Variants in CHD3 observed in about 807,000 individuals in gnomAD.
CHD3 encodes ATP-dependent chromatin remodeler CHD3.
Under a neutral mutation model 248.9 loss-of-function variants are expected in CHD3, and 52 were observed. That is an observed-to-expected ratio of 0.21 (90% CI 0.17 to 0.26). The LOEUF (loss-of-function observed/expected upper bound fraction) is 0.26. Among genes scored for constraint, CHD3 ranks in the 10% least tolerant of loss-of-function variants. The pLI is 1.00. For missense variants in CHD3, 1,482 were observed against 2,605.8 expected, an observed-to-expected ratio of 0.57 and a Z score of 9.39; for synonymous variants, 985 against 985.2, an observed-to-expected ratio of 1.00 and a Z score of 0.00.
In CHD3 at chr17:7,909,080, C is replaced by T. The variant is rs1004355729; in HGVS notation, c.5395-63C>T. The T allele has an allele frequency of 9.1e-6, 14 of 1,544,066 alleles. No homozygotes were observed. Among genetic ancestry groups the T allele is most frequent in the South Asian group, 1.2e-5 (1 of 83,742 alleles). Reference sequence around the variant, plus strand: ...GGGTGGGTCTCTTGCTATGTCCGCCCCCCCAGCCCCTCACCCACTGCTGGC... The same window carrying T: ...GGGTGGGTCTCTTGCTATGTCCGCCTCCCCAGCCCCTCACCCACTGCTGGC... On this transcript the variant is annotated intron_variant, in intron 36 of 39. Coordinates refer to ENST00000330494, the MANE Select transcript of CHD3 (RefSeq NM_001005273.3). The surrounding 1 kb of genome is among the most constrained non-coding windows in gnomAD (Gnocchi z 8.1).
At position 7,893,338 on chromosome 17, in the gene CHD3, A is replaced by G; in HGVS notation, c.562A>G (p.Ile188Val). Residue 188 changes from isoleucine (I) to valine (V), a missense_variant, in exon 5 of 40, where the codon ATC becomes GTC. Transcript: ENST00000330494. The stretch of plus-strand genomic sequence containing the variant: ...GATCCCAATGTCTAAGATGATGACC[A>G]TCCTTGGGGCCAAATGGAGAGAGTT... ...PKIPMSKMMT[I>V]LGAKWREFSA... is the part of the protein sequence containing the mutation. 1 of 1,613,928 alleles carries G rather than the reference A, an allele frequency of 6.2e-7. No individual in the cohort carries two copies. Among genetic ancestry groups the G allele is most frequent in the Non-Finnish European group, 8.5e-7 (1 of 1,179,928 alleles).
rs192531054 is a variant in CHD3, at chr17:7,905,065, C to G, written c.4073-35C>G. 7 of 1,601,646 alleles carry G rather than the reference C, an allele frequency of 4.4e-6. No individual in the cohort carries two copies. Among genetic ancestry groups the G allele is most frequent in the Non-Finnish European group, 6.0e-6 (7 of 1,168,704 alleles). ...CTCAGCATGGGCATATCCCGAGAGC[C>G]CTCCCTGACCACTGGGCCCTTTCCA... On this transcript the variant is annotated intron_variant, in intron 25 of 39. Coordinates refer to ENST00000330494, the MANE Select transcript of CHD3 (RefSeq NM_001005273.3). This position sits in a 1 kb window ranked among gnomAD's most constrained non-coding sequence, Gnocchi z 5.8.
Position 7,904,668 on chromosome 17 carries a change from G to A in CHD3, c.4072+49G>A, listed in dbSNP as rs780482986. 6 of 1,537,456 alleles carry A rather than the reference G, an allele frequency of 3.9e-6. No homozygotes were observed. The East Asian group carries it at 1.4e-4, about 35-fold the overall frequency. ...CAGTAAAGGGGGGAAGTGATGATGA[G>A]TAGGGACTTGAAGGCTGGAGCTATT... is the stretch of plus-strand genomic sequence containing the variant. On this transcript the variant is annotated intron_variant, in intron 25 of 39. Coordinates refer to ENST00000330494, the MANE Select transcript of CHD3 (RefSeq NM_001005273.3). The surrounding 1 kb of genome is among the most constrained non-coding windows in gnomAD (Gnocchi z 4.4).
In CHD3 at chr17:7,903,621, T is replaced by G. The variant is rs1378711318; in HGVS notation, c.3727+118T>G. The G allele has an allele frequency of 1.1e-5, 11 of 1,039,742 alleles. No individual in the cohort carries two copies. The highest frequency in any genetic ancestry group is 2.6e-5 in the Admixed American group (1 of 38,238). The allele number at this position is 1,039,742 out of a possible 1,614,324, so 64.4% of individuals were successfully genotyped here. A position where few individuals can be genotyped will look rare whatever the true frequency, so the allele number is the denominator to read the frequency against. On this transcript the variant is annotated intron_variant, in intron 23 of 39. Coordinates refer to ENST00000330494, the MANE Select transcript of CHD3 (RefSeq NM_001005273.3). This position sits in a 1 kb window ranked among gnomAD's most constrained non-coding sequence, Gnocchi z 6.8. Reference sequence around the variant, plus strand: ...TGCAGCCTTTGAAGGAAGGAGAGCCTTCTTTTAGTAGCCCTTGGAGGAAGG... The same window carrying G: ...TGCAGCCTTTGAAGGAAGGAGAGCCGTCTTTTAGTAGCCCTTGGAGGAAGG...
intron 20 of CHD3, 29 bp downstream of exon 20, chr17:7,901,404 T>C: frequency 6.5e-7 from 1 of 1,545,320 alleles, no homozygotes; most frequent in Admixed American, 1.9e-5. Context: ...TGTCTTTACA[T>C]CTGCTTCCTC....
chr17:7,911,498 G>C lies in CHD3; in HGVS notation c.5916G>C (p.Lys1972Asn). 1 of 1,614,198 alleles carries C rather than the reference G, an allele frequency of 6.2e-7. No homozygotes were observed. Among genetic ancestry groups the C allele is most frequent in the Non-Finnish European group, 8.5e-7 (1 of 1,180,026 alleles). Reference sequence around the variant, plus strand: ...ACGGCCCTCCAGTGCTTGTGAAGAAGGAGAAGGAAATGGTGGGGGCATTGG... The same window carrying C: ...ACGGCCCTCCAGTGCTTGTGAAGAACGAGAAGGAAATGGTGGGGGCATTGG... ...ATNGPPVLVKKEKEMVGALVS... is the reference protein window; with the variant it reads ...ATNGPPVLVKNEKEMVGALVS... Residue 1972 changes from lysine to asparagine, a missense_variant, in exon 40 of 40, where the codon AAG becomes AAC. By Grantham distance (94) the Lys-to-Asn change is moderately conservative. Around this residue, in one of 20 missense-constraint regions of CHD3, gnomAD observed 117 missense variants for 137.2 expected, o/e 0.85. Coordinates refer to ENST00000330494, the MANE Select transcript of CHD3 (RefSeq NM_001005273.3). This position sits in a 1 kb window ranked among gnomAD's most constrained non-coding sequence, Gnocchi z 5.4.
At position 7,908,073 on chromosome 17, in the gene CHD3, T is replaced by A; in HGVS notation, c.5152+54T>A. 6 of 1,537,654 alleles carry A rather than the reference T, an allele frequency of 3.9e-6. No individual in the cohort carries two copies. Among genetic ancestry groups the A allele is most frequent in the Non-Finnish European group, 5.3e-6 (6 of 1,140,980 alleles). On this transcript the variant is annotated intron_variant, in intron 34 of 39. Transcript: ENST00000330494. This position sits in a 1 kb window ranked among gnomAD's most constrained non-coding sequence, Gnocchi z 5.8. Reference sequence around the variant, plus strand: ...CCTCAAGGGGATCTGCTCATCCTCATGGGGTTTCTCGTTTTGCCTGAGGCT... The same window carrying A: ...CCTCAAGGGGATCTGCTCATCCTCAAGGGGTTTCTCGTTTTGCCTGAGGCT...
upstream of CHD3, among the ~76,000 whole-genome samples, chr17:7,885,624 A>G (rs183504471): frequency 6.6e-5 from 10 of 151,492 alleles, no homozygotes; most frequent in East Asian, 2.0e-3. Context: ...GGACCGAGGG[A>G]GAGTGGGGTT....
rs1271753018 is a variant in CHD3 at position 7,897,762 on chromosome 17, T to C, written c.1920-209T>C. 6.6e-6 allele frequency among the ~76,000 whole-genome samples: 1 copy of C among 152,208 alleles called. No homozygotes were observed. The highest frequency in any genetic ancestry group is 2.4e-5 in the African/African-American group (1 of 41,442). On this transcript the variant is annotated intron_variant, in intron 11 of 39. Transcript: ENST00000330494. This position sits in a 1 kb window ranked among gnomAD's most constrained non-coding sequence, Gnocchi z 4.8. ...TGATAAGGAGGGATCTCCAGGAATG[T>C]TTTGTGATAGCTGATTTTTAGGATA...
At chr17:7,898,297 G>A (rs1969923067) in intron 12 of CHD3, among the ~76,000 whole-genome samples, 195 bp downstream of exon 12, 1 of 152,230 alleles carries the variant, frequency 6.6e-6, no homozygotes, top group African/African-American at 2.4e-5. Context: ...TGGCTGAGTA[G>A]TGGAGAAGAG....
chr17:7,911,767 C>T lies in CHD3; in HGVS notation c.*182C>T. The T allele has an allele frequency of 6.6e-7, 1 of 1,508,158 alleles. No individual in the cohort carries two copies. The highest frequency in any genetic ancestry group is 8.9e-7 in the Non-Finnish European group (1 of 1,120,090). The allele number at this position is 1,508,158 out of a possible 1,614,324, so 93.4% of individuals were successfully genotyped here. ...GAAGGGCCCTTTGTCTTTCTCCACT[C>T]CCACACACCTTTCCCACCAAGCCTT... On this transcript the variant is annotated 3_prime_UTR_variant, in exon 40 of 40. Coordinates refer to ENST00000330494, the MANE Select transcript of CHD3 (RefSeq NM_001005273.3). This position sits in a 1 kb window ranked among gnomAD's most constrained non-coding sequence, Gnocchi z 5.4.
In CHD3 at chr17:7,898,602, CCT is replaced by C. The variant is rs762335133; in HGVS notation, c.2151+11_2151+12del. ...CAGTTCTCCCACTAATGATGTGAGTCCTCTCAGTTGTCATTTCTTGTTTCTGG... is the reference window on the plus strand; with the variant it reads ...CAGTTCTCCCACTAATGATGTGAGTCCTCAGTTGTCATTTCTTGTTTCTGG... On this transcript the variant is annotated splice_region_variant and intron_variant, in intron 13 of 39. Transcript: ENST00000330494. 38 of 1,600,640 alleles carry C rather than the reference CCT, an allele frequency of 2.4e-5. No individual in the cohort carries two copies. The highest frequency in any genetic ancestry group is 3.2e-5 in the Non-Finnish European group (37 of 1,169,422).
rs1270554534 is a variant in CHD3, at chr17:7,905,932, C to T, written c.4301C>T (p.Ala1434Val). ...CGCTGGGGGATGCCACCACAGGATG[C>T]CTTCACCACACAGTGGCTGGTGCGG... ...VMRWGMPPQDAFTTQWLVRDL... is the reference protein window; with the variant it reads ...VMRWGMPPQDVFTTQWLVRDL... Residue 1434 changes from alanine to valine, a missense_variant, in exon 28 of 40, where the codon GCC becomes GTC. Physicochemically the swap from Ala to Val is moderately conservative, Grantham distance 64. This residue lies in a region of CHD3 where 156 missense variants were observed against 420.3 expected (regional missense o/e 0.37). Coordinates refer to ENST00000330494, the MANE Select transcript of CHD3 (RefSeq NM_001005273.3). The surrounding 1 kb of genome is among the most constrained non-coding windows in gnomAD (Gnocchi z 5.8). 6.2e-7 allele frequency: 1 copy of T among 1,614,034 alleles called. No individual in the cohort carries two copies. Among genetic ancestry groups the T allele is most frequent in the Admixed American group, 1.7e-5 (1 of 60,002 alleles).
At chr17:7,901,418 C>T (rs1429158040) in intron 20 of CHD3, 43 bp downstream of exon 20, 2 of 1,508,666 alleles carry the variant, frequency 1.3e-6, no homozygotes, top group East Asian at 4.7e-5. Context: ...CTTCCTCTTC[C>T]CTCTCCTCAT....
chr17:7,898,554 G>A lies in CHD3; in HGVS notation c.2110G>A (p.Glu704Lys), dbSNP rs1402655987. 1 of 1,613,700 alleles carries A rather than the reference G, an allele frequency of 6.2e-7. No homozygotes were observed. Among genetic ancestry groups the A allele is most frequent in the African/African-American group, 1.3e-5 (1 of 74,888 alleles). The change falls in exon 13 of 40, where the codon GAG (glutamate) becomes AAG (lysine). Residue 704 changes from glutamate (E) to lysine (K), a missense_variant. Coordinates refer to ENST00000330494, the MANE Select transcript of CHD3 (RefSeq NM_001005273.3). ...CCGCAAGTATAAGAAGAAGAAGAAGGAGCTACAGGGTGATGGGCCTCCCAG... is the reference window on the plus strand; with the variant it reads ...CCGCAAGTATAAGAAGAAGAAGAAGAAGCTACAGGGTGATGGGCCTCCCAG... ...QPRKYKKKKK[E>K]LQGDGPPSSP...
At chr17:7,892,730 C>T (rs559649610) in intron 4 of CHD3, among the ~76,000 whole-genome samples, 90 of 152,134 alleles carry the variant, frequency 5.9e-4, no homozygotes, top group Non-Finnish European at 8.5e-4. Context: ...CTCTTGACCT[C>T]GTGATCCTCC....
intron 20 of CHD3, 52 bp from the exon 21 acceptor site, chr17:7,902,558 A>C: frequency 8.2e-7 from 1 of 1,214,238 alleles, no homozygotes; most frequent in East Asian, 2.3e-5. Flanking sequence ...TAGAATAAGC[A>C]AGCATCCCAC....
At position 7,904,282 on chromosome 17, in the gene CHD3, A is replaced by G; in HGVS notation, c.3895-160A>G. 2 of 671,930 alleles carry G rather than the reference A, an allele frequency of 3.0e-6. No homozygotes were observed. The highest frequency in any genetic ancestry group is 5.1e-6 in the Non-Finnish European group (2 of 390,066). The allele number at this position is 671,930 out of a possible 1,614,324, so 41.6% of individuals were successfully genotyped here. ...GAGCACATTGCAGGTAAGAGATGGC[A>G]TGGAACATGCGCAATGTCCAGAAAA... On this transcript the variant is annotated intron_variant, in intron 24 of 39. Coordinates refer to ENST00000330494, the MANE Select transcript of CHD3 (RefSeq NM_001005273.3). The surrounding 1 kb of genome is among the most constrained non-coding windows in gnomAD (Gnocchi z 4.4).
chr17:7,909,672 G>C lies in CHD3; in HGVS notation c.5590+334G>C, dbSNP rs776611931. 107 of 363,996 alleles carry C rather than the reference G, an allele frequency of 2.9e-4. No homozygotes were observed. The highest frequency in any genetic ancestry group is 5.2e-4 in the Non-Finnish European group (103 of 199,046). The allele number at this position is 363,996 out of a possible 1,614,324, so 22.5% of individuals were successfully genotyped here. A position where few individuals can be genotyped will look rare whatever the true frequency, so the allele number is the denominator to read the frequency against. ...ACTGCTTAACATCATCCAGTTAGGG[G>C]CCTTGGACTGTGAATGCACCATACA... On this transcript the variant is annotated intron_variant, in intron 37 of 39. Coordinates refer to ENST00000330494, the MANE Select transcript of CHD3 (RefSeq NM_001005273.3). This position sits in a 1 kb window ranked among gnomAD's most constrained non-coding sequence, Gnocchi z 8.1.
Sources: gnomAD v4.1 joint callset for allele counts (sites outside exome capture counted in the v4.1 genomes callset) on GRCh38, gnomAD v4.1.1 for gene constraint, gnomAD v4.1.1 regional missense constraint, Gnocchi (gnomAD v3.1) non-coding constraint, MANE v1.5 for transcripts, NCBI Gene and HGNC (gene_info 2026-07-23, HGNC 2026-07-21) for gene names.